TGDS: variants seen among roughly 807,000 people sequenced by gnomAD.
TGDS encodes the protein TDP-glucose 4,6-dehydratase, also known as UDP-D-glucose 4,6-dehydratase.
In TGDS, 47 loss-of-function variants were observed where a neutral mutation model predicts 52.3. The observed-to-expected ratio is 0.90, with a 90% CI of 0.71 to 1.15. The LOEUF (loss-of-function observed/expected upper bound fraction) is 1.15. Ranked by LOEUF, TGDS falls within the 50% of genes most tolerant of loss-of-function variation. The probability of loss-of-function intolerance (pLI) is 0.00; values close to 1 mark genes in which losing one functional copy is unlikely to be tolerated. For synonymous variants in TGDS, 115 were observed against 136.9 expected (o/e 0.84, Z 1.12); for missense variants, 375 against 418.4 (o/e 0.90, Z 0.90).
chr13:94,593,183 T>C (rs1052143318), intron 2 of TGDS, among the ~76,000 whole-genome samples: 1 of 152,142 alleles, frequency 6.6e-6, no homozygotes, highest in African/African-American at 2.4e-5. Context: ...ATGCCAAAAT[T>C]TGCCTGTAGC....
At chr13:94,582,641 G>A (rs1888838415) in intron 5 of TGDS, among the ~76,000 whole-genome samples, 1 of 152,196 alleles carries the variant, frequency 6.6e-6, no homozygotes, top group Non-Finnish European at 1.5e-5. Flanking sequence ...TAACATTTGA[G>A]TTAGTGGGCT....
chr13:94,585,533 A>G (rs1888944355), intron 4 of TGDS, among the ~76,000 whole-genome samples: 1 of 152,074 alleles, frequency 6.6e-6, no homozygotes, highest in Admixed American at 6.5e-5. Flanking sequence ...CATGGTGGCT[A>G]ATGCCCGTAA....
intron 7 of TGDS, chr13:94,579,326 T>C: frequency 6.6e-6 from 1 of 152,580 alleles, no homozygotes; most frequent in African/African-American, 2.4e-5. Flanking sequence ...AAAATCAGGC[T>C]TGATGATATA....
At chr13:94,593,618 A>G (rs562046786) in intron 2 of TGDS, among the ~76,000 whole-genome samples, 1 of 152,356 alleles carries the variant, frequency 6.6e-6, no homozygotes, top group South Asian at 2.1e-4. Flanking sequence ...AAAACAAAAT[A>G]AAACAAAAAC....
intron 4 of TGDS, among the ~76,000 whole-genome samples, chr13:94,586,222 G>C (rs1393437047): frequency 1.3e-5 from 2 of 152,108 alleles, no homozygotes; most frequent in African/African-American, 4.8e-5. Flanking sequence ...AGGAGGGTCA[G>C]AATGGGTTTA....
chr13:94,576,860 T>C (rs1888619328), intron 10 of TGDS, among the ~76,000 whole-genome samples: 1 of 152,144 alleles, frequency 6.6e-6, no homozygotes, highest in Non-Finnish European at 1.5e-5. Context: ...CCCAGCACTT[T>C]CAGAGGCCAA....
intron 2 of TGDS, among the ~76,000 whole-genome samples, chr13:94,593,177 C>T (rs187806769): frequency 6.6e-6 from 1 of 152,136 alleles, no homozygotes; most frequent in Non-Finnish European, 1.5e-5. Flanking sequence ...ATGTTCATGC[C>T]AAAATTTGCC....
chr13:94,587,002 T>C (rs1298891538), intron 4 of TGDS, among the ~76,000 whole-genome samples: 2 of 152,042 alleles, frequency 1.3e-5, no homozygotes, highest in Admixed American at 1.3e-4. Flanking sequence ...TGGGCTCAAG[T>C]GATTCGCCTG....
chr13:94,589,529 T>A (rs371104051), intron 4 of TGDS, among the ~76,000 whole-genome samples: 1 of 152,064 alleles, frequency 6.6e-6, no homozygotes. Flanking sequence ...TTAGCCAGGA[T>A]GGTCTCGATT....
In TGDS at chr13:94,592,246, T is replaced by G; in HGVS notation, c.217A>C (p.Ile73Leu). The G allele has an allele frequency of 6.2e-7, 1 of 1,608,472 alleles. No homozygotes were observed. The highest frequency in any genetic ancestry group is 8.5e-7 in the Non-Finnish European group (1 of 1,177,952). The change falls in exon 3 of 12, where the codon ATA (isoleucine) becomes CTA (leucine). Residue 73 changes from isoleucine to leucine, a missense_variant. Transcript: ENST00000261296. ...TTACAAGAAAATGTTCATACCTGTA[T>G]AAATTTGTAGTTCTGTTTGTTAGAA... Reference protein sequence around the residue: ...TISNKQNYKFIQGDICDSHFV... With the variant: ...TISNKQNYKFLQGDICDSHFV...
At chr13:94,586,552 A>G (rs1888989684) in intron 4 of TGDS, among the ~76,000 whole-genome samples, 1 of 152,204 alleles carries the variant, frequency 6.6e-6, no homozygotes, top group African/African-American at 2.4e-5. Flanking sequence ...ATTCTTTTCA[A>G]TACACACACG....
At chr13:94,585,799 C>CAAAAAAAAAAAAAAAAAAAAAAAAAAAA (rs371365630) in intron 4 of TGDS, among the ~76,000 whole-genome samples, 1 of 116,322 alleles carries the variant, frequency 8.6e-6, no homozygotes. Context: ...GACTCTGTCT[C>CAAAAAAAAAAAAAAAAAAAAAAAAAAAA]AAAAAAAAAA....
intron 10 of TGDS, 69 bp downstream of exon 10, chr13:94,577,302 C>T (rs978947402): frequency 5.7e-6 from 7 of 1,234,430 alleles, no homozygotes; most frequent in Admixed American, 2.7e-5. Flanking sequence ...GTCAAGTCCA[C>T]ATATTTTATA....
intron 7 of TGDS, among the ~76,000 whole-genome samples, chr13:94,579,000 GAAAAAT>G (rs1888702061): frequency 6.6e-6 from 1 of 152,112 alleles, no homozygotes; most frequent in Non-Finnish European, 1.5e-5. Context: ...CTAAATAGGG[GAAAAAT>G]GCAGAAAAAG....
rs766026685 is a variant in TGDS, at chr13:94,592,339, C to T, written c.154-30G>A. 20 of 1,555,306 alleles carry T rather than the reference C, an allele frequency of 1.3e-5. No individual in the cohort carries two copies. The East Asian group carries it at 1.8e-4, about 14-fold the overall frequency. On this transcript the variant is annotated intron_variant, in intron 2 of 11. Transcript: ENST00000261296. ...AAAGAAGAGAGCACAGAAGGGGCAA[C>T]ACAAAAAGTGACATTAGCTTTTCCA... is the stretch of plus-strand genomic sequence containing the variant.
chr13:94,578,211 G>C (rs773635062), intron 8 of TGDS, 41 bp from the exon 9 acceptor site: 2 of 1,595,632 alleles, frequency 1.3e-6, no homozygotes, highest in East Asian at 4.5e-5. Context: ...AGTGTAAAAA[G>C]GTAAACTCTC....
rs1889172324 is a variant in TGDS at position 94,590,845 on chromosome 13, A to G, written c.313+8T>C. The G allele has an allele frequency of 6.4e-7, 1 of 1,558,236 alleles. No individual in the cohort carries two copies. The highest frequency in any genetic ancestry group is 1.4e-5 in the African/African-American group (1 of 71,112). The stretch of plus-strand genomic sequence containing the variant: ...CCAATCATAACTGTAACATAAAACA[A>G]TGCTTACCTACATGTGTTTGTGCGG... On this transcript the variant is annotated splice_region_variant and intron_variant, in intron 4 of 11. Transcript: ENST00000261296.
intron 11 of TGDS, 23 bp downstream of exon 11, chr13:94,576,290 CA>C: frequency 6.6e-7 from 1 of 1,524,524 alleles, no homozygotes; most frequent in Admixed American, 2.0e-5. Context: ...GACTTGCCCC[CA>C]AAATGATTAA....
intron 6 of TGDS, 92 bp downstream of exon 6, chr13:94,580,999 T>C (rs1262805875): frequency 4.0e-6 from 3 of 751,440 alleles, no homozygotes; most frequent in Admixed American, 3.1e-5. Context: ...CTTAAAAATA[T>C]TTTGAAAAAA....
Sources: allele counts gnomAD v4.1 joint callset (sites outside exome capture counted in the v4.1 genomes callset), GRCh38; gene constraint gnomAD v4.1.1; transcripts MANE v1.5; gene names NCBI Gene and HGNC (gene_info 2026-07-23, HGNC 2026-07-21).